PRSS23: variants seen among roughly 807,000 people sequenced by gnomAD.
The protein encoded by PRSS23 is serine protease 23, also known as protease, serine 23.
A neutral mutation model predicts 34.7 loss-of-function variants in PRSS23; 25 were observed. The ratio of observed to expected loss-of-function variants is 0.72; its 90% CI spans 0.53 to 1.01. PRSS23 has a LOEUF of 1.01. Ranked by LOEUF, PRSS23 falls within the 50% of genes least tolerant of loss-of-function variation. The pLI, the probability that PRSS23 is intolerant of heterozygous loss-of-function variation, is 0.00. For synonymous variants in PRSS23, 176 were observed against 186.6 expected, an observed-to-expected ratio of 0.94 and a Z score of 0.46; for missense variants, 445 against 475.6, an observed-to-expected ratio of 0.94 and a Z score of 0.60.
At position 86,810,655 on chromosome 11, in the gene PRSS23, T is replaced by C. The variant is rs1325442566; in HGVS notation, c.*1860T>C. The C allele has an allele frequency of 6.0e-6, 1 of 167,000 alleles. No homozygotes were observed. The highest frequency in any genetic ancestry group is 6.5e-5 in the Admixed American group (1 of 15,272). The allele number at this position is 167,000 out of a possible 1,614,324, so 10.3% of individuals were successfully genotyped here. ...ACCAGAATGGATTTTTTTAAAAAAATAGATGTTCCTTTTGTGAAGCACCTT... is the reference window on the plus strand; with the variant it reads ...ACCAGAATGGATTTTTTTAAAAAAACAGATGTTCCTTTTGTGAAGCACCTT... On this transcript the variant is annotated 3_prime_UTR_variant, in exon 2 of 2. Coordinates refer to ENST00000280258, the MANE Select transcript of PRSS23 (RefSeq NM_007173.6).
chr11:86,831,380 A>ACC (rs1948354259), intron 2 of PRSS23, among the ~76,000 whole-genome samples: 1 of 151,630 alleles, frequency 6.6e-6, no homozygotes, highest in Non-Finnish European at 1.5e-5. Flanking sequence ...GGGTGTGTAC[A>ACC]CCCTGTGATA....
intron 2 of PRSS23, among the ~76,000 whole-genome samples, chr11:86,938,867 A>G (rs1207451085): frequency 6.6e-6 from 1 of 152,188 alleles, no homozygotes; most frequent in Admixed American, 6.5e-5. Flanking sequence ...AACGACAGGC[A>G]GTCAGCCTAG....
At chr11:86,862,272 G>T (rs781186107) in intron 2 of PRSS23, among the ~76,000 whole-genome samples, 1 of 151,800 alleles carries the variant, frequency 6.6e-6, no homozygotes, top group Non-Finnish European at 1.5e-5. Context: ...TATCCTTGGG[G>T]TATGTTACTC....
At chr11:86,807,353 C>A (rs3781614) in intron 1 of PRSS23, among the ~76,000 whole-genome samples, 28,719 of 152,052 alleles carry the variant, frequency 0.19, 2,951 homozygotes, top group Middle Eastern at 0.22. Context: ...GACTTTATGC[C>A]TGCTACTCTG....
intron 2 of PRSS23, chr11:86,857,185 AC>A: frequency 2.9e-6 from 1 of 343,860 alleles, no homozygotes; most frequent in South Asian, 3.2e-5. Flanking sequence ...CACTGATGCC[AC>A]CACTCCATTC....
At chr11:86,849,627 G>A (rs1409402035) in intron 2 of PRSS23, among the ~76,000 whole-genome samples, 1 of 152,192 alleles carries the variant, frequency 6.6e-6, no homozygotes, top group African/African-American at 2.4e-5. Context: ...AGAAAATGTA[G>A]CAGTCCTTGC....
chr11:86,934,134 G>A (rs1949145078), intron 2 of PRSS23: 1 of 152,148 alleles, frequency 6.6e-6, no homozygotes, highest in African/African-American at 2.4e-5. Context: ...ACTGAGGCCT[G>A]GGACTTGAAA....
At chr11:86,944,770 C>T (rs996255994) in intron 2 of PRSS23, among the ~76,000 whole-genome samples, 4 of 152,184 alleles carry the variant, frequency 2.6e-5, no homozygotes, top group Non-Finnish European at 5.9e-5. Flanking sequence ...ACAGCCCAAC[C>T]GGGAAAACCA....
intron 2 of PRSS23, among the ~76,000 whole-genome samples, chr11:86,919,448 ATTCTT>A (rs1365533809): frequency 6.6e-6 from 1 of 152,000 alleles, no homozygotes; most frequent in Non-Finnish European, 1.5e-5. Flanking sequence ...CGCTTTTTTC[ATTCTT>A]TTCTTCTCTC....
chr11:86,853,042 C>T (rs1418123498), intron 2 of PRSS23, among the ~76,000 whole-genome samples: 9 of 151,348 alleles, frequency 5.9e-5, no homozygotes, highest in South Asian at 2.1e-4. Flanking sequence ...TTAATAGAGA[C>T]GAGCTTTCAC....
rs182888745 is a variant in PRSS23, at chr11:86,919,193, T to G, written c.207-32023T>G. On this transcript the variant is annotated intron_variant, in intron 2 of 2. Coordinates refer to the PRSS23 transcript ENST00000533902. ...CCACATCCTTCCATCCAGCAAATGT[T>G]TTTATCTGGGTCCTACTTAGGTTTC... Among the ~76,000 whole-genome samples, 763 of 152,294 alleles carry G rather than the reference T, an allele frequency of 5.0e-3. 10 individuals are homozygous for G. The highest frequency in any genetic ancestry group is 0.018 in the African/African-American group (739 of 41,562).
intron 2 of PRSS23, among the ~76,000 whole-genome samples, chr11:86,828,224 A>C (rs560195829): frequency 1.3e-5 from 2 of 152,266 alleles, no homozygotes; most frequent in South Asian, 2.1e-4. Flanking sequence ...CTTCTTGTTG[A>C]ATTGATCCCT....
chr11:86,867,977 G>A (rs1948661614), intron 2 of PRSS23, among the ~76,000 whole-genome samples: 1 of 152,004 alleles, frequency 6.6e-6, no homozygotes, highest in South Asian at 2.1e-4. Flanking sequence ...TATGCTAGGA[G>A]GCTACTCGCC....
At chr11:86,932,086 G>A (rs539973464) in intron 2 of PRSS23, among the ~76,000 whole-genome samples, 1 of 152,216 alleles carries the variant, frequency 6.6e-6, no homozygotes, top group Non-Finnish European at 1.5e-5. Context: ...AATTGCCCCC[G>A]AGGCAGTCCC....
At chr11:86,902,807 A>C (rs577876197) in intron 2 of PRSS23, among the ~76,000 whole-genome samples, 4 of 152,314 alleles carry the variant, frequency 2.6e-5, no homozygotes, top group Admixed American at 2.0e-4. Flanking sequence ...GCCTGAATTG[A>C]AAATGTCTTC....
intron 2 of PRSS23, among the ~76,000 whole-genome samples, chr11:86,835,310 G>A (rs2134895481): frequency 6.6e-6 from 1 of 152,316 alleles, no homozygotes; most frequent in South Asian, 2.1e-4. Context: ...AAACAATGAG[G>A]CCAACCTTTT....
At chr11:86,841,601 A>C (rs978474631) in intron 2 of PRSS23, among the ~76,000 whole-genome samples, 1 of 152,196 alleles carries the variant, frequency 6.6e-6, no homozygotes, top group African/African-American at 2.4e-5. Flanking sequence ...GATAATGGAG[A>C]TATCACCACT....
chr11:86,891,343 G>C (rs1948839824), intron 2 of PRSS23, among the ~76,000 whole-genome samples: 1 of 152,204 alleles, frequency 6.6e-6, no homozygotes, highest in Non-Finnish European at 1.5e-5. Flanking sequence ...CTTGTTTAAA[G>C]GTCCTGACTT....
upstream of PRSS23, among the ~76,000 whole-genome samples, chr11:86,796,301 C>A (rs1947979848): frequency 6.6e-6 from 1 of 152,184 alleles, no homozygotes; most frequent in Non-Finnish European, 1.5e-5. Context: ...ACCTCAGAAT[C>A]CTCATCTGCA....
Sources: allele counts gnomAD v4.1 joint callset (sites outside exome capture counted in the v4.1 genomes callset), GRCh38; gene constraint gnomAD v4.1.1; transcripts MANE v1.5; gene names NCBI Gene and HGNC (gene_info 2026-07-23, HGNC 2026-07-21).